PRKN: variants seen among roughly 807,000 people sequenced by gnomAD.
The protein encoded by PRKN is E3 ubiquitin-protein ligase parkin.
Under a neutral mutation model 59.5 loss-of-function variants are expected in PRKN, and 56 were observed. The observed-to-expected ratio is 0.94, with a 90% CI of 0.76 to 1.18. The LOEUF is 1.18. PRKN is among the 50% of genes most tolerant of loss of function. PRKN has a pLI of 0.00. For missense variants in PRKN, 657 were observed against 596.4 expected, an observed-to-expected ratio of 1.10 and a Z score of -1.06; for synonymous variants, 250 against 222.1, an observed-to-expected ratio of 1.13 and a Z score of -1.12.
intron 2 of PRKN, among the ~76,000 whole-genome samples, chr6:162,314,977 G>C (rs1382505642): frequency 1.3e-5 from 2 of 152,130 alleles, no homozygotes; most frequent in Admixed American, 1.3e-4. Context: ...CTTCACAGTA[G>C]ATCACCAGGG....
intron 4 of PRKN, among the ~76,000 whole-genome samples, chr6:162,188,192 C>G (rs1784110872): frequency 1.3e-5 from 2 of 152,126 alleles, no homozygotes; most frequent in South Asian, 2.1e-4. Context: ...TCCAATAAAC[C>G]TCTTTCTTTT....
chr6:162,700,056 T>C (rs1778098972), intron 1 of PRKN, among the ~76,000 whole-genome samples: 1 of 152,180 alleles, frequency 6.6e-6, no homozygotes. Flanking sequence ...TCTTCCATGT[T>C]CATTAAAATC....
rs1256020107 is a variant in PRKN, at chr6:161,900,493, ATATAT to A, written c.734+72804_734+72808del. Among the ~76,000 whole-genome samples the A allele has an allele frequency of 3.6e-5, 5 of 140,628 alleles. No homozygotes were observed. In the South Asian group the frequency reaches 6.3e-4, roughly 18 times the overall value. 92.3% of individuals were successfully genotyped at this position (140,628 alleles called of 152,430 possible). The stretch of plus-strand genomic sequence containing the variant: ...TACTATGTAATATATAATATAAATT[ATATAT>A]TATAATATATATTATATATACAACA... On this transcript the variant is annotated intron_variant, in intron 6 of 11. Coordinates refer to ENST00000366898, the MANE Select transcript of PRKN (RefSeq NM_004562.3).
intron 1 of PRKN, among the ~76,000 whole-genome samples, chr6:162,658,057 T>C (rs572934587): frequency 3.3e-5 from 5 of 152,340 alleles, no homozygotes; most frequent in Admixed American, 6.5e-5. Context: ...TGCCAACTCT[T>C]GTGGCAAAAT....
chr6:161,597,401 G>A (rs1488424266), intron 7 of PRKN, among the ~76,000 whole-genome samples: 1 of 152,150 alleles, frequency 6.6e-6, no homozygotes, highest in South Asian at 2.1e-4. Flanking sequence ...AGGATTACTG[G>A]CAACCCAAGT....
At chr6:162,400,295 A>T (rs1316238993) in intron 2 of PRKN, among the ~76,000 whole-genome samples, 1 of 151,938 alleles carries the variant, frequency 6.6e-6, no homozygotes, top group Non-Finnish European at 1.5e-5. Context: ...ATAAAAGGAA[A>T]ATGACCTGTA....
At chr6:161,715,992 G>A (rs983673610) in intron 7 of PRKN, 2 of 681,510 alleles carry the variant, frequency 2.9e-6, no homozygotes, top group Non-Finnish European at 4.7e-6. Flanking sequence ...GTGGGGCCCT[G>A]TGATCTATAT....
Position 162,262,776 on chromosome 6 carries a change from GC to G in PRKN, c.172-12del. The stretch of plus-strand genomic sequence containing the variant: ...ATCCAGGTCACAATTCTGTTTGGGA[GC>G]AAGGTAAAAAAAAAAAAAAAAAAAA... On this transcript the variant is annotated splice_polypyrimidine_tract_variant and intron_variant, in intron 2 of 11. Transcript: ENST00000366898. 2 of 1,523,218 alleles carry G rather than the reference GC, an allele frequency of 1.3e-6. No homozygotes were observed. The highest frequency in any genetic ancestry group is 1.5e-5 in the African/African-American group (1 of 67,566). The allele number at this position is 1,523,218 out of a possible 1,614,324, so 94.4% of individuals were successfully genotyped here.
chr6:162,676,290 C>CT (rs1779539507), intron 1 of PRKN, among the ~76,000 whole-genome samples: 1 of 151,998 alleles, frequency 6.6e-6, no homozygotes, highest in Admixed American at 6.6e-5. Flanking sequence ...GACAACAATG[C>CT]TAGAGACAGC....
chr6:161,535,248 G>A (rs78626880), intron 9 of PRKN, among the ~76,000 whole-genome samples: 10,885 of 152,168 alleles, frequency 0.072, 522 homozygotes, highest in African/African-American at 0.13. Context: ...ACAATTTTAC[G>A]GGTATTATTG....
chr6:162,224,997 C>G (rs1362398580), intron 3 of PRKN, among the ~76,000 whole-genome samples: 1 of 152,144 alleles, frequency 6.6e-6, no homozygotes, highest in Non-Finnish European at 1.5e-5. Context: ...GTGGTTATAA[C>G]AGTATACCTG....
chr6:162,337,136 T>G (rs1783881381), intron 2 of PRKN, among the ~76,000 whole-genome samples: 1 of 152,144 alleles, frequency 6.6e-6, no homozygotes, highest in Non-Finnish European at 1.5e-5. Flanking sequence ...CCCCAAATAT[T>G]GACTTGAAAA....
At chr6:161,606,701 G>A (rs916186216) in intron 7 of PRKN, among the ~76,000 whole-genome samples, 1 of 152,080 alleles carries the variant, frequency 6.6e-6, no homozygotes, top group Admixed American at 6.5e-5. Flanking sequence ...CATAATCAAG[G>A]CCATTTAGGT....
intron 1 of PRKN, among the ~76,000 whole-genome samples, chr6:162,578,329 T>G (rs2128210542): frequency 6.6e-6 from 1 of 152,266 alleles, no homozygotes; most frequent in Non-Finnish European, 1.5e-5. Flanking sequence ...TAAAAATATG[T>G]TATAAAAGGT....
chr6:162,305,553 A>G (rs1318115955), intron 2 of PRKN, among the ~76,000 whole-genome samples: 1 of 152,206 alleles, frequency 6.6e-6, no homozygotes, highest in Non-Finnish European at 1.5e-5. Flanking sequence ...CCATGGGTCC[A>G]AAAAGCCATA....
intron 5 of PRKN, among the ~76,000 whole-genome samples, chr6:162,027,015 C>T (rs1196695063): frequency 6.6e-6 from 1 of 152,092 alleles, no homozygotes; most frequent in South Asian, 2.1e-4. Flanking sequence ...GATAATGAAA[C>T]TAAAAAAGAG....
intron 2 of PRKN, among the ~76,000 whole-genome samples, chr6:162,343,375 A>C (rs1045662425): frequency 1.3e-5 from 2 of 152,236 alleles, no homozygotes; most frequent in Non-Finnish European, 2.9e-5. Context: ...GGGTCTGTGG[A>C]ATAAAGCCTT....
intron 9 of PRKN, among the ~76,000 whole-genome samples, chr6:161,511,068 T>G (rs757673567): frequency 7.9e-5 from 12 of 152,186 alleles, no homozygotes; most frequent in Non-Finnish European, 1.8e-4. Context: ...ACTCAAACTA[T>G]AACAAAGGAC....
At chr6:162,546,843 C>G (rs555381458) in intron 1 of PRKN, among the ~76,000 whole-genome samples, 1 of 152,168 alleles carries the variant, frequency 6.6e-6, no homozygotes, top group African/African-American at 2.4e-5. Context: ...CAGACTGAAA[C>G]AACCACCACC....
Sources: allele counts gnomAD v4.1 joint callset (sites outside exome capture counted in the v4.1 genomes callset), GRCh38; gene constraint gnomAD v4.1.1; transcripts MANE v1.5; gene names NCBI Gene and HGNC (gene_info 2026-07-23, HGNC 2026-07-21).